The following CRB1 variants were observed in gnomAD, a reference collection of about 807,000 sequenced individuals.
The protein encoded by CRB1 is protein crumbs homolog 1.
Under a neutral mutation model 120.0 loss-of-function variants are expected in CRB1, and 83 were observed. That is an observed-to-expected ratio of 0.69 (90% CI 0.58 to 0.83). The LOEUF is 0.83. CRB1 is among the 40% of genes least tolerant of loss of function. CRB1 has a pLI of 0.00. For synonymous variants in CRB1, 625 were observed against 612.5 expected (o/e 1.02, Z -0.30); for missense variants, 1,699 against 1,687.6 (o/e 1.01, Z -0.12).
intron 11 of CRB1, among the ~76,000 whole-genome samples, chr1:197,452,212 C>T (rs550734118): frequency 8.5e-5 from 13 of 152,198 alleles, no homozygotes; most frequent in South Asian, 4.1e-4. Flanking sequence ...TCTAAGACGA[C>T]GAAGGAAATT....
chr1:197,269,573 C>T lies in CRB1; in HGVS notation c.70+1091C>T, dbSNP rs577856963. Among the ~76,000 whole-genome samples, 3 of 152,124 alleles carry T rather than the reference C, an allele frequency of 2.0e-5. No homozygotes were observed. In the East Asian group the frequency reaches 5.8e-4, roughly 29 times the overall value. On this transcript the variant is annotated intron_variant, in intron 1 of 11. Transcript: ENST00000367400. Reference sequence around the variant, plus strand: ...TGTTATTTAAATAGTTATTTACCCTCCTTGAAACTTAATGTGGGCCCCAGG... The same window carrying T: ...TGTTATTTAAATAGTTATTTACCCTTCTTGAAACTTAATGTGGGCCCCAGG...
chr1:197,429,695 T>C (rs563062689), intron 8 of CRB1, 81 bp downstream of exon 8: 14 of 1,418,528 alleles, frequency 9.9e-6, no homozygotes, highest in East Asian at 2.3e-5. Flanking sequence ...AGAAAAAGAG[T>C]ATAGACAAAG....
At chr1:197,402,284 C>CAAA (rs1663105709) in intron 5 of CRB1, among the ~76,000 whole-genome samples, 1 of 152,164 alleles carries the variant, frequency 6.6e-6, no homozygotes, top group Non-Finnish European at 1.5e-5. Context: ...ATTTAGCTCT[C>CAAA]ACTTATATGT....
chr1:197,442,224 C>T lies in CRB1; in HGVS notation c.3937C>T (p.Gln1313Ter). 5 of 1,614,100 alleles carry T rather than the reference C, an allele frequency of 3.1e-6. No homozygotes were observed. The highest frequency in any genetic ancestry group is 4.2e-6 in the Non-Finnish European group (5 of 1,180,004). ...TCCGTGTGTCAATGGAGGTCTGTGC[C>T]AGGACTTACTCAACAAATTCCAGTG... ...SDPCVNGGLC[Q>*]DLLNKFQCLC... Residue 1313 changes from glutamine (Q) to a stop codon, truncating the protein, a stop_gained, in exon 11 of 12, where the codon CAG becomes TAG. Coordinates refer to ENST00000367400, the MANE Select transcript of CRB1 (RefSeq NM_201253.3). LOFTEE classifies it high-confidence loss of function.
In CRB1 at chr1:197,435,540, G is replaced by A. The variant is rs1214553317; in HGVS notation, c.3677G>A (p.Gly1226Glu). 5.0e-6 allele frequency: 8 copies of A among 1,613,334 alleles called. No homozygotes were observed. The highest frequency in any genetic ancestry group is 5.1e-6 in the Non-Finnish European group (6 of 1,179,702). ...TGCCAGAGTCACCAGTGTGCAAATG[G>A]AGCCACCTGCATTAGTCATACTAAT... is the stretch of plus-strand genomic sequence containing the variant. ...DNCQSHQCAN[G>E]ATCISHTNGY... The change falls in exon 9 of 12, where the codon GGA becomes GAA. Residue 1226 changes from glycine (G) to glutamate (E), a missense_variant. Gly to Glu is a moderately conservative substitution (Grantham distance 98, BLOSUM62 -2). Transcript: ENST00000367400.
chr1:197,222,950 G>A, the CRB1 span: 7 of 892,116 alleles, frequency 7.8e-6, no homozygotes, highest in Non-Finnish European at 1.2e-5. Context: ...GCAAGAGTTT[G>A]CAGATAACAT....
At chr1:197,347,190 T>C (rs1288978748) in intron 3 of CRB1, 150 bp from the exon 4 acceptor site, 1 of 727,448 alleles carries the variant, frequency 1.4e-6, no homozygotes, top group Non-Finnish European at 2.5e-6. Context: ...AAATCATGCA[T>C]TCAGTCCTGT....
chr1:197,471,101 A>G (rs1170536390), intron 11 of CRB1, among the ~76,000 whole-genome samples: 3 of 151,922 alleles, frequency 2.0e-5, no homozygotes, highest in Non-Finnish European at 4.4e-5. Context: ...TATCATAGCT[A>G]TACCATTCCT....
the CRB1 span, among the ~76,000 whole-genome samples, chr1:197,230,123 T>C: frequency 6.6e-6 from 1 of 152,232 alleles, no homozygotes; most frequent in African/African-American, 2.4e-5. Flanking sequence ...GTCACTGTGA[T>C]ATTAACTTGC....
chr1:197,359,580 A>C (rs1419034687), intron 5 of CRB1, among the ~76,000 whole-genome samples: 1 of 152,192 alleles, frequency 6.6e-6, no homozygotes. Flanking sequence ...CTTTTGTGTG[A>C]ATATAAATAT....
the CRB1 span, among the ~76,000 whole-genome samples, chr1:197,221,168 G>A: frequency 6.6e-6 from 1 of 152,136 alleles, no homozygotes; most frequent in African/African-American, 2.4e-5. Context: ...AGGCCATGTT[G>A]GGTAGAGAGA....
At chr1:197,341,176 G>A (rs1442994498) in intron 2 of CRB1, among the ~76,000 whole-genome samples, 1 of 152,168 alleles carries the variant, frequency 6.6e-6, no homozygotes, top group Non-Finnish European at 1.5e-5. Flanking sequence ...GCCAATGCCT[G>A]TGAGATAACT....
At chr1:197,326,790 G>T (rs1463142313) in intron 1 of CRB1, among the ~76,000 whole-genome samples, 1 of 152,018 alleles carries the variant, frequency 6.6e-6, no homozygotes, top group Admixed American at 6.5e-5. Flanking sequence ...TACAGGAAGG[G>T]CATAGTTGGC....
At chr1:197,440,147 A>G (rs1394169548) in intron 10 of CRB1, 1 of 152,150 alleles carries the variant, frequency 6.6e-6, no homozygotes, top group Admixed American at 6.6e-5. Flanking sequence ...ATTAATTTTG[A>G]GTAATCCAAC....
chr1:197,249,577 T>G, the CRB1 span, among the ~76,000 whole-genome samples: 1 of 151,956 alleles, frequency 6.6e-6, no homozygotes, highest in Non-Finnish European at 1.5e-5. Context: ...AAAAGTAGTA[T>G]TTAAGGAAGA....
At chr1:197,451,292 C>T (rs1460107152) in intron 11 of CRB1, among the ~76,000 whole-genome samples, 1 of 152,146 alleles carries the variant, frequency 6.6e-6, no homozygotes, top group Admixed American at 6.5e-5. Flanking sequence ...GCATAGATTA[C>T]TCATGATAAC....
At chr1:197,279,370 C>A (rs1655394128) in intron 1 of CRB1, among the ~76,000 whole-genome samples, 1 of 151,812 alleles carries the variant, frequency 6.6e-6, no homozygotes, top group Non-Finnish European at 1.5e-5. Flanking sequence ...TTACAGCCTA[C>A]TCATTATAGT....
At chr1:197,204,618 G>C in the CRB1 span, among the ~76,000 whole-genome samples, 1 of 151,934 alleles carries the variant, frequency 6.6e-6, no homozygotes, top group African/African-American at 2.4e-5. Flanking sequence ...CCCACTTTTT[G>C]ATGGAATTTT....
At chr1:197,309,405 C>T (rs1012021545) in intron 1 of CRB1, among the ~76,000 whole-genome samples, 3 of 152,094 alleles carry the variant, frequency 2.0e-5, no homozygotes, top group Non-Finnish European at 4.4e-5. Context: ...TTTCTCCTTT[C>T]GTTTCTTCCA....
Sources: gnomAD v4.1 joint callset for allele counts (sites outside exome capture counted in the v4.1 genomes callset) on GRCh38, gnomAD v4.1.1 for gene constraint, MANE v1.5 for transcripts, NCBI Gene and HGNC (gene_info 2026-07-23, HGNC 2026-07-21) for gene names.